The following GSAP variants were observed in gnomAD, a reference collection of about 807,000 sequenced individuals.
GSAP encodes the protein gamma-secretase activating protein.
Under a neutral mutation model 131.7 loss-of-function variants are expected in GSAP, and 118 were observed. That is an observed-to-expected ratio of 0.90 (90% CI 0.77 to 1.04). The LOEUF is 1.04. Ranked by LOEUF, GSAP falls within the 50% of genes least tolerant of loss-of-function variation. The pLI, the probability that GSAP is intolerant of heterozygous loss-of-function variation, is 0.00. For synonymous variants in GSAP, 381 were observed against 363.4 expected (o/e 1.05, Z -0.55); for missense variants, 1,019 against 1,013.2 (o/e 1.01, Z -0.08).
At chr7:77,361,542 A>G (rs1794520271) in intron 13 of GSAP, among the ~76,000 whole-genome samples, 1 of 152,178 alleles carries the variant, frequency 6.6e-6, no homozygotes. Context: ...AAGTTCTTAA[A>G]CTTTTTTACC....
chr7:77,342,327 A>T (rs749201530), intron 19 of GSAP, among the ~76,000 whole-genome samples: 1 of 151,990 alleles, frequency 6.6e-6, no homozygotes, highest in Non-Finnish European at 1.5e-5. Flanking sequence ...TTGCCTCCAT[A>T]ACTGTTGTGG....
chr7:77,398,860 T>C lies in GSAP; in HGVS notation c.244-1445A>G, dbSNP rs1289485126. ...AGGAAGCATGTTTATAAATTTTCTA[T>C]ATTTATGCACTTATATTACACAGTT... On this transcript the variant is annotated intron_variant, in intron 3 of 30. Transcript: ENST00000257626. 2.6e-5 allele frequency among the ~76,000 whole-genome samples: 4 copies of C among 152,350 alleles called. No individual in the cohort carries two copies. The East Asian group carries it at 7.7e-4, about 29-fold the overall frequency.
intron 19 of GSAP, among the ~76,000 whole-genome samples, chr7:77,340,751 G>A (rs185617712): frequency 6.6e-6 from 1 of 152,246 alleles, no homozygotes; most frequent in Admixed American, 6.5e-5. Context: ...TGATCACCGT[G>A]GGGATGCCTG....
chr7:77,404,286 C>T (rs1708536609), intron 3 of GSAP, among the ~76,000 whole-genome samples: 1 of 152,222 alleles, frequency 6.6e-6, no homozygotes, highest in Admixed American at 6.5e-5. Context: ...GATCTGCCAG[C>T]TCCTGGAAAC....
rs77451047 is a variant in GSAP, at chr7:77,320,522, T to G, written c.2089+203A>C. 5.9e-5 allele frequency among the ~76,000 whole-genome samples: 9 copies of G among 152,274 alleles called. No individual in the cohort carries two copies. In the East Asian group the frequency reaches 1.7e-3, roughly 29 times the overall value. On this transcript the variant is annotated intron_variant, in intron 26 of 30. Transcript: ENST00000257626. ...GTAAGCCTAGGTTCCCTAAAGTTAG[T>G]AATAAGCTACATCATAGTTTAGTAG...
chr7:77,356,083 G>C (rs1289615947), intron 14 of GSAP, among the ~76,000 whole-genome samples: 1 of 151,902 alleles, frequency 6.6e-6, no homozygotes, highest in African/African-American at 2.4e-5. Flanking sequence ...TGTTGCCCAG[G>C]CTGGTCTTGA....
At chr7:77,339,319 T>C (rs1389599356) in intron 19 of GSAP, among the ~76,000 whole-genome samples, 1 of 152,190 alleles carries the variant, frequency 6.6e-6, no homozygotes, top group Non-Finnish European at 1.5e-5. Context: ...CAGGATCAAG[T>C]GTCCTGGGAA....
intron 12 of GSAP, among the ~76,000 whole-genome samples, chr7:77,368,340 G>A (rs1045437904): frequency 7.2e-5 from 11 of 152,232 alleles, no homozygotes; most frequent in Non-Finnish European, 1.6e-4. Context: ...CTGTGAGAGT[G>A]GCTCACATTA....
chr7:77,326,413 T>C (rs886674070), intron 22 of GSAP, 140 bp from the exon 23 acceptor site: 12 of 597,726 alleles, frequency 2.0e-5, no homozygotes, highest in Admixed American at 3.2e-5. Context: ...ATCACCTAAG[T>C]GTGACCTAGT....
At chr7:77,363,717 G>A (rs1794860171) in intron 12 of GSAP, among the ~76,000 whole-genome samples, 1 of 152,114 alleles carries the variant, frequency 6.6e-6, no homozygotes, top group South Asian at 2.1e-4. Flanking sequence ...ATTGTCAGCA[G>A]TACATTTTAT....
chr7:77,395,881 T>C (rs1358886351), intron 5 of GSAP, among the ~76,000 whole-genome samples: 1 of 152,132 alleles, frequency 6.6e-6, no homozygotes, highest in East Asian at 1.9e-4. Context: ...ACAGAACAGA[T>C]GGAAAGCACC....
rs573636585 is a variant in GSAP at position 77,343,582 on chromosome 7, C to T, written c.1545+5769G>A. On this transcript the variant is annotated intron_variant, in intron 19 of 30. Coordinates refer to ENST00000257626, the MANE Select transcript of GSAP (RefSeq NM_017439.4). ...GCCATCAAAAGGTGTCAGATCCCATCGCTCAAGGCAACGCTTATGCTGATA... is the reference window on the plus strand; with the variant it reads ...GCCATCAAAAGGTGTCAGATCCCATTGCTCAAGGCAACGCTTATGCTGATA... Among the ~76,000 whole-genome samples the T allele has an allele frequency of 7.4e-4, 112 of 152,258 alleles. 1 individual carries two copies. The highest frequency in any genetic ancestry group is 2.6e-3 in the African/African-American group (108 of 41,554).
At chr7:77,377,888 TTA>T (rs764296259) in intron 8 of GSAP, among the ~76,000 whole-genome samples, 10 of 152,184 alleles carry the variant, frequency 6.6e-5, no homozygotes, top group Non-Finnish European at 1.5e-4. Context: ...CCTCTCACCT[TTA>T]TGTCTTCCAT....
intron 19 of GSAP, among the ~76,000 whole-genome samples, chr7:77,343,884 C>G (rs1029999632): frequency 3.3e-5 from 5 of 152,180 alleles, no homozygotes; most frequent in Middle Eastern, 3.2e-3. Context: ...CCGTGGAAAT[C>G]TATCCTCAAG....
chr7:77,320,608 A>AT, intron 26 of GSAP, 117 bp downstream of exon 26: 1 of 674,050 alleles, frequency 1.5e-6, no homozygotes, highest in Non-Finnish European at 2.6e-6. Flanking sequence ...GTAACACCAG[A>AT]TACACAATTT....
chr7:77,371,753 C>T (rs1354799080), intron 12 of GSAP, among the ~76,000 whole-genome samples: 2 of 152,078 alleles, frequency 1.3e-5, no homozygotes, highest in Admixed American at 6.5e-5. Flanking sequence ...ATCCTCCATA[C>T]AGCAGCCACA....
intron 5 of GSAP, among the ~76,000 whole-genome samples, chr7:77,391,995 C>T (rs1157934865): frequency 4.6e-5 from 7 of 152,054 alleles, no homozygotes; most frequent in African/African-American, 1.4e-4. Context: ...GAAGCCAAGG[C>T]GGGTGGATCA....
chr7:77,374,967 T>C, intron 11 of GSAP, 91 bp downstream of exon 11: 1 of 620,056 alleles, frequency 1.6e-6, no homozygotes, highest in Non-Finnish European at 2.8e-6. Context: ...TCAAACTCTC[T>C]TTTTATCTGC....
Position 77,355,787 on chromosome 7 carries a change from G to GTTTTTTTTTTT in GSAP, c.1028-151_1028-141dup, listed in dbSNP as rs11353263. ...GTAATAAGCTATCTAATGACAGCCC[G>GTTTTTTTTTTT]TTTTTTTTTTTTTTTTTTTAAGACA... On this transcript the variant is annotated intron_variant, in intron 14 of 30. Transcript: ENST00000257626. The GTTTTTTTTTTT allele has an allele frequency of 4.9e-3, 1,453 of 294,172 alleles. 38 individuals are homozygous for GTTTTTTTTTTT. The highest frequency in any genetic ancestry group is 8.2e-3 in the South Asian group (249 of 30,190). The allele number at this position is 294,172 out of a possible 1,614,324, so 18.2% of individuals were successfully genotyped here.
Sources: allele counts gnomAD v4.1 joint callset (sites outside exome capture counted in the v4.1 genomes callset), GRCh38; gene constraint gnomAD v4.1.1; transcripts MANE v1.5; gene names NCBI Gene and HGNC (gene_info 2026-07-23, HGNC 2026-07-21).